Variants in SPOPL observed in about 807,000 individuals in gnomAD.
SPOPL encodes speckle-type POZ protein-like.
SPOPL carries 23 observed loss-of-function variants against 53.8 expected under a neutral mutation model. The ratio of observed to expected loss-of-function variants is 0.43; its 90% confidence interval spans 0.31 to 0.61. The LOEUF (loss-of-function observed/expected upper bound fraction) is 0.61, where lower values mean the gene tolerates loss of function less well. Among genes scored for constraint, SPOPL ranks in the 20% least tolerant of loss-of-function variants. The pLI is 0.12. For missense variants in SPOPL, 442 were observed against 466.9 expected, an observed-to-expected ratio of 0.95 and a Z score of 0.49; for synonymous variants, 164 against 149.7, an observed-to-expected ratio of 1.10 and a Z score of -0.70.
In SPOPL at chr2:138,572,185, AAC is replaced by A. The variant is rs1685797955; in HGVS notation, c.*3107_*3108del. ...GCTTTACTTTGGAGGACAATTGATT[AAC>A]AGAGGAAATGATAATTTTCAAAAAT... On this transcript the variant is annotated 3_prime_UTR_variant, in exon 11 of 11. Coordinates refer to ENST00000280098, the MANE Select transcript of SPOPL (RefSeq NM_001001664.3). 1 of 152,600 alleles carries A rather than the reference AAC, an allele frequency of 6.6e-6. No homozygotes were observed. The highest frequency in any genetic ancestry group is 1.5e-5 in the Non-Finnish European group (1 of 68,020). 9.5% of individuals were successfully genotyped at this position (152,600 alleles called of 1,614,324 possible). A position where few individuals can be genotyped will look rare whatever the true frequency, so the allele number is the denominator to read the frequency against.
intron 1 of SPOPL, among the ~76,000 whole-genome samples, chr2:138,526,602 A>T (rs923234771): frequency 3.9e-5 from 6 of 152,240 alleles, no homozygotes; most frequent in African/African-American, 1.4e-4. Flanking sequence ...AGGGTGTGCC[A>T]TACAAAAAAA....
chr2:138,526,357 C>T (rs2104868847), intron 1 of SPOPL, among the ~76,000 whole-genome samples: 1 of 152,184 alleles, frequency 6.6e-6, no homozygotes, highest in Admixed American at 6.5e-5. Flanking sequence ...GTTGTCTTCA[C>T]TTCCATGTTT....
intron 1 of SPOPL, among the ~76,000 whole-genome samples, chr2:138,519,849 T>C (rs1684519787): frequency 6.6e-6 from 1 of 152,154 alleles, no homozygotes; most frequent in South Asian, 2.1e-4. Flanking sequence ...TAAAGCAAAC[T>C]CTTACAGATT....
At chr2:138,508,901 A>G (rs913127847) in intron 1 of SPOPL, among the ~76,000 whole-genome samples, 3 of 152,122 alleles carry the variant, frequency 2.0e-5, no homozygotes, top group Non-Finnish European at 4.4e-5. Flanking sequence ...TGGCTCTTAC[A>G]GGTACCCTTT....
intron 1 of SPOPL, among the ~76,000 whole-genome samples, chr2:138,538,441 T>C (rs1315222847): frequency 6.6e-6 from 1 of 152,228 alleles, no homozygotes; most frequent in Non-Finnish European, 1.5e-5. Flanking sequence ...GACCCTTTTA[T>C]CAATAGATAA....
chr2:138,544,431 A>G (rs143531187), intron 1 of SPOPL, among the ~76,000 whole-genome samples: 1,655 of 152,306 alleles, frequency 0.011, 34 homozygotes, highest in African/African-American at 0.037. Flanking sequence ...CCTGGGTAGC[A>G]GTGGGCGCTC....
chr2:138,560,810 A>C lies in SPOPL; in HGVS notation c.720A>C (p.Arg240=). Residue 240 remains arginine (R), a synonymous_variant, in exon 8 of 11, where the codon CGA becomes CGC. Transcript: ENST00000280098. ...EHEMEESKKN[R]VEINDLDPEV... is the part of the protein sequence containing the mutation. ...GTGTTGTTTTTCGATATCAGAATCGAGTGGAAATAAATGATTTAGACCCTG... is the reference window on the plus strand; with the variant it reads ...GTGTTGTTTTTCGATATCAGAATCGCGTGGAAATAAATGATTTAGACCCTG... 1 of 1,584,118 alleles carries C rather than the reference A, an allele frequency of 6.3e-7. No homozygotes were observed. The highest frequency in any genetic ancestry group is 8.5e-7 in the Non-Finnish European group (1 of 1,170,762).
intron 1 of SPOPL, among the ~76,000 whole-genome samples, chr2:138,544,398 G>T (rs997036325): frequency 6.6e-6 from 1 of 152,200 alleles, no homozygotes; most frequent in Admixed American, 6.5e-5. Context: ...GAGCTTCCAG[G>T]CCGCTTTGTT....
intron 8 of SPOPL, among the ~76,000 whole-genome samples, chr2:138,563,873 A>G (rs1219597902): frequency 6.6e-6 from 1 of 152,244 alleles, no homozygotes; most frequent in Admixed American, 6.5e-5. Flanking sequence ...CCAAATATTC[A>G]TCAGCAGTTG....
intron 5 of SPOPL, among the ~76,000 whole-genome samples, chr2:138,557,216 A>G (rs1220552790): frequency 1.3e-5 from 2 of 152,168 alleles, no homozygotes; most frequent in East Asian, 3.8e-4. Context: ...ACAAGCCAGC[A>G]CAGTGTGATT....
At chr2:138,563,571 T>C (rs1343342467) in intron 8 of SPOPL, among the ~76,000 whole-genome samples, 1 of 152,176 alleles carries the variant, frequency 6.6e-6, no homozygotes, top group Non-Finnish European at 1.5e-5. Context: ...TTATAATGGC[T>C]AAAAGTACAA....
rs1371678624 is a variant in SPOPL at position 138,550,748 on chromosome 2, A to T, written c.200+144A>T. ...TAGTATGTTCCTAATAGTGTGGGGA[A>T]TTATAAAGAACTGTGAGGATGTTGA... On this transcript the variant is annotated intron_variant, in intron 3 of 10. Coordinates refer to ENST00000280098, the MANE Select transcript of SPOPL (RefSeq NM_001001664.3). The T allele has an allele frequency of 3.6e-6, 5 of 1,403,324 alleles. No homozygotes were observed. In the African/African-American group the frequency reaches 7.2e-5, roughly 20 times the overall value. The allele number at this position is 1,403,324 out of a possible 1,614,324, so 86.9% of individuals were successfully genotyped here. A position where few individuals can be genotyped will look rare whatever the true frequency, so the allele number is the denominator to read the frequency against.
At position 138,560,793 on chromosome 2, in the gene SPOPL, T is replaced by C. The variant is rs760097331; in HGVS notation, c.715-12T>C. 1 of 1,572,764 alleles carries C rather than the reference T, an allele frequency of 6.4e-7. No homozygotes were observed. Among genetic ancestry groups the C allele is most frequent in the Non-Finnish European group, 8.6e-7 (1 of 1,168,132 alleles). On this transcript the variant is annotated splice_polypyrimidine_tract_variant and intron_variant, in intron 7 of 10. Coordinates refer to ENST00000280098, the MANE Select transcript of SPOPL (RefSeq NM_001001664.3). ...TTTTTTTTAACATTTTTGTGTTGTT[T>C]TTCGATATCAGAATCGAGTGGAAAT... is the stretch of plus-strand genomic sequence containing the variant.
At chr2:138,525,364 G>A (rs1684648186) in intron 1 of SPOPL, among the ~76,000 whole-genome samples, 1 of 152,194 alleles carries the variant, frequency 6.6e-6, no homozygotes, top group South Asian at 2.1e-4. Context: ...GGAGCTACAA[G>A]ATGAGATTTG....
chr2:138,517,813 G>A (rs1471814118), intron 1 of SPOPL, among the ~76,000 whole-genome samples: 1 of 151,708 alleles, frequency 6.6e-6, no homozygotes, highest in African/African-American at 2.4e-5. Flanking sequence ...TTGGGAGGCC[G>A]AGGCGGGCGG....
intron 1 of SPOPL, among the ~76,000 whole-genome samples, chr2:138,515,472 C>T (rs1192728639): frequency 1.3e-5 from 2 of 152,200 alleles, no homozygotes; most frequent in Non-Finnish European, 2.9e-5. Context: ...ACCATTTCCT[C>T]ACAGCATGCT....
Position 138,569,285 on chromosome 2 carries a change from G to T in SPOPL, c.*205G>T. On this transcript the variant is annotated 3_prime_UTR_variant, in exon 11 of 11. Coordinates refer to ENST00000280098, the MANE Select transcript of SPOPL (RefSeq NM_001001664.3). ...ATTAGACTGATTAATTCACTTCAAGGCCTTAAATTATCTTCAATGACTTGT... is the reference window on the plus strand; with the variant it reads ...ATTAGACTGATTAATTCACTTCAAGTCCTTAAATTATCTTCAATGACTTGT... The T allele has an allele frequency of 9.8e-6, 5 of 510,984 alleles. No individual in the cohort carries two copies. The highest frequency in any genetic ancestry group is 3.7e-5 in the South Asian group (1 of 27,208). 31.7% of individuals were successfully genotyped at this position (510,984 alleles called of 1,614,324 possible). A position where few individuals can be genotyped will look rare whatever the true frequency, so the allele number is the denominator to read the frequency against.
At chr2:138,514,847 A>C (rs145842486) in intron 1 of SPOPL, among the ~76,000 whole-genome samples, 339 of 152,300 alleles carry the variant, frequency 2.2e-3, no homozygotes, top group African/African-American at 7.2e-3. Context: ...TAGTTGTCCC[A>C]CATACTCTGG....
intron 1 of SPOPL, among the ~76,000 whole-genome samples, chr2:138,543,201 C>T (rs1685114135): frequency 2.0e-5 from 3 of 152,134 alleles, no homozygotes; most frequent in Admixed American, 6.5e-5. Flanking sequence ...GTGAATCTGA[C>T]AGTTATGTGT....
Sources: gnomAD v4.1 joint callset for allele counts (sites outside exome capture counted in the v4.1 genomes callset) on GRCh38, gnomAD v4.1.1 for gene constraint, MANE v1.5 for transcripts, NCBI Gene and HGNC (gene_info 2026-07-23, HGNC 2026-07-21) for gene names.